GBF1: variants seen among roughly 807,000 people sequenced by gnomAD.
GBF1 encodes Golgi-specific brefeldin A-resistance guanine nucleotide exchange factor 1.
Under a neutral mutation model 210.5 loss-of-function variants are expected in GBF1, and 114 were observed. That is an observed-to-expected ratio of 0.54 (90% confidence interval 0.47 to 0.63). The LOEUF (loss-of-function observed/expected upper bound fraction) is 0.63, where lower values mean the gene tolerates loss of function less well. Among genes scored for constraint, GBF1 ranks in the 30% least tolerant of loss-of-function variants. GBF1 has a pLI of 0.00. For synonymous variants in GBF1, 850 were observed against 889.2 expected (o/e 0.96, Z 0.78); for missense variants, 1,851 against 2,357.7 (o/e 0.79, Z 4.45).
chr10:102,381,055 G>A, intron 38 of GBF1, 72 bp from the exon 39 acceptor site: 2 of 1,477,006 alleles, frequency 1.4e-6, no homozygotes, highest in Non-Finnish European at 1.9e-6. Flanking sequence ...TAGAAAGGCT[G>A]TTGGGTAGCT....
intron 3 of GBF1, among the ~76,000 whole-genome samples, chr10:102,318,041 T>G (rs1442845231): frequency 1.3e-5 from 2 of 152,116 alleles, no homozygotes; most frequent in African/African-American, 4.8e-5. Context: ...CCCAAATAGC[T>G]GGGACTACAG....
At chr10:102,240,205 G>T in the GBF1 span, among the ~76,000 whole-genome samples, 2 of 152,228 alleles carry the variant, frequency 1.3e-5, no homozygotes, top group Non-Finnish European at 2.9e-5. Flanking sequence ...GCTGCCAGGG[G>T]CTTGTACCCA....
rs144034154 is a variant in GBF1, at chr10:102,350,498, T to C, written c.296-758T>C. 1.8e-3 allele frequency among the ~76,000 whole-genome samples: 275 copies of C among 152,200 alleles called. 1 individual carries two copies. The highest frequency in any genetic ancestry group is 5.9e-3 in the African/African-American group (247 of 41,520). On this transcript the variant is annotated intron_variant, in intron 4 of 39. Transcript: ENST00000369983. Reference sequence around the variant, plus strand: ...CAAAAGCAACCAGAGAGAGAAGCTGTGTTGAAAGATGAAAGGAGAAAAGGC... The same window carrying C: ...CAAAAGCAACCAGAGAGAGAAGCTGCGTTGAAAGATGAAAGGAGAAAAGGC...
chr10:102,330,686 C>CA (rs200631331), intron 3 of GBF1, among the ~76,000 whole-genome samples: 3,021 of 146,864 alleles, frequency 0.021, 60 homozygotes, highest in African/African-American at 0.047. Context: ...AATTCCATCT[C>CA]AAAAAAAAAA....
intron 3 of GBF1, among the ~76,000 whole-genome samples, chr10:102,281,250 A>T (rs2075446852): frequency 6.6e-6 from 1 of 152,140 alleles, no homozygotes; most frequent in South Asian, 2.1e-4. Flanking sequence ...ACGTAAAGAA[A>T]ATCAACTCTA....
At chr10:102,256,112 A>G (rs944156641) in intron 1 of GBF1, among the ~76,000 whole-genome samples, 1 of 151,958 alleles carries the variant, frequency 6.6e-6, no homozygotes, top group Non-Finnish European at 1.5e-5. Context: ...CACCTGGCTA[A>G]TTTTTGTATT....
chr10:102,289,731 C>T (rs1051210477), intron 3 of GBF1, among the ~76,000 whole-genome samples: 3 of 152,060 alleles, frequency 2.0e-5, no homozygotes, highest in Non-Finnish European at 2.9e-5. Context: ...CAGAGAGGTT[C>T]CAAAATTGTG....
intron 29 of GBF1, among the ~76,000 whole-genome samples, chr10:102,373,337 G>T (rs2060315750): frequency 6.6e-6 from 1 of 152,174 alleles, no homozygotes; most frequent in Admixed American, 6.6e-5. Context: ...CACTTTGGGA[G>T]GCTGAGGTGG....
At position 102,367,537 on chromosome 10, in the gene GBF1, G is replaced by A. The variant is rs774569004; in HGVS notation, c.2619G>A (p.Leu873=). ...GCAAGGACTTTGAGCAAGACATCCT[G>A]GAGGACATGTACCATGCCATCAAGT... is the stretch of plus-strand genomic sequence containing the variant. The part of the protein sequence containing the change: ...NGGKDFEQDI[L]EDMYHAIKNE... The change falls in exon 21 of 40, where the codon CTG becomes CTA. Residue 873 remains leucine (L), a synonymous_variant. Transcript: ENST00000369983. The A allele has an allele frequency of 1.9e-6, 3 of 1,598,974 alleles. No individual in the cohort carries two copies. The highest frequency in any genetic ancestry group is 2.6e-6 in the Non-Finnish European group (3 of 1,166,152).
chr10:102,235,172 A>AC, the GBF1 span, among the ~76,000 whole-genome samples: 133 of 77,252 alleles, frequency 1.7e-3, no homozygotes, highest in African/African-American at 3.9e-3. Context: ...CCCTTCCCCC[A>AC]CCCCCCACCC....
In GBF1 at chr10:102,367,128, C is replaced by T; in HGVS notation, c.2477C>T (p.Ser826Phe). ...SPFANSDACF[S>F]LAYAVIMLNT... is the part of the protein sequence containing the mutation. ...TTTGCCAATAGCGATGCCTGCTTTT[C>T]CCTGGCCTATGCTGTCATCATGCTT... The change falls in exon 20 of 40, where the codon TCC (serine) becomes TTC (phenylalanine). Residue 826 changes from serine (S) to phenylalanine (F), a missense_variant. Transcript: ENST00000369983. 1 of 1,614,016 alleles carries T rather than the reference C, an allele frequency of 6.2e-7. No homozygotes were observed. Among genetic ancestry groups the T allele is most frequent in the African/African-American group, 1.3e-5 (1 of 75,008 alleles).
chr10:102,285,542 A>T (rs1028322471), intron 3 of GBF1, among the ~76,000 whole-genome samples: 2 of 152,188 alleles, frequency 1.3e-5, no homozygotes, highest in Non-Finnish European at 2.9e-5. Context: ...GATGTCTTCT[A>T]CATCAAACTG....
intron 3 of GBF1, among the ~76,000 whole-genome samples, chr10:102,326,663 C>T (rs1470093442): frequency 6.6e-6 from 1 of 152,084 alleles, no homozygotes; most frequent in Non-Finnish European, 1.5e-5. Context: ...CAGAAATATC[C>T]CCCATGCCTC....
intron 3 of GBF1, among the ~76,000 whole-genome samples, chr10:102,280,451 TG>T (rs2075384955): frequency 6.6e-6 from 1 of 152,172 alleles, no homozygotes; most frequent in Non-Finnish European, 1.5e-5. Flanking sequence ...TAATGTGACT[TG>T]ATAGCCTGAT....
chr10:102,335,983 T>C (rs879610569), intron 3 of GBF1, among the ~76,000 whole-genome samples: 10 of 152,042 alleles, frequency 6.6e-5, no homozygotes, highest in Non-Finnish European at 1.0e-4. Flanking sequence ...AGAATTTTTA[T>C]ATATATATTT....
rs761838793 is a variant in GBF1, at chr10:102,380,284, C to G, written c.4914C>G (p.Leu1638=). 1 of 1,614,024 alleles carries G rather than the reference C, an allele frequency of 6.2e-7. No individual in the cohort carries two copies. Among genetic ancestry groups the G allele is most frequent in the East Asian group, 2.2e-5 (1 of 44,880 alleles). ...AGCACCTGTCTCCACTGCTGTCACTCTCTACCTTTGCGGCCCTCTGGCTCA... is the reference window on the plus strand; with the variant it reads ...AGCACCTGTCTCCACTGCTGTCACTGTCTACCTTTGCGGCCCTCTGGCTCA... ...FLQHLSPLLS[L]STFAALWLTI... The change falls in exon 37 of 40, where the codon CTC becomes CTG. Residue 1638 remains leucine, a synonymous_variant. Coordinates refer to ENST00000369983, the MANE Select transcript of GBF1 (RefSeq NM_001377137.1).
chr10:102,234,364 G>A, the GBF1 span, among the ~76,000 whole-genome samples: 2 of 152,178 alleles, frequency 1.3e-5, no homozygotes, highest in Non-Finnish European at 2.9e-5. Context: ...GAGGGGTCTA[G>A]ATCTTGGACC....
At chr10:102,258,818 T>A in intron 1 of GBF1, 111 bp from the exon 2 acceptor site, 1 of 588,568 alleles carries the variant, frequency 1.7e-6, no homozygotes, top group Non-Finnish European at 3.1e-6. Flanking sequence ...AAAATCTTGG[T>A]ACTGAAAAGT....
At chr10:102,291,981 T>C (rs2076479031) in intron 3 of GBF1, among the ~76,000 whole-genome samples, 1 of 149,468 alleles carries the variant, frequency 6.7e-6, no homozygotes, top group South Asian at 2.1e-4. Context: ...GCTCCACCTC[T>C]CGGGTTCATG....
Sources: allele counts gnomAD v4.1 joint callset (sites outside exome capture counted in the v4.1 genomes callset), GRCh38; gene constraint gnomAD v4.1.1; transcripts MANE v1.5; gene names NCBI Gene and HGNC (gene_info 2026-07-23, HGNC 2026-07-21).